PAPPA: variants seen among roughly 807,000 people sequenced by gnomAD.
PAPPA encodes the protein pappalysin 1.
PAPPA carries 60 observed loss-of-function variants against 164.0 expected under a neutral mutation model. The ratio of observed to expected loss-of-function variants is 0.37; its 90% CI spans 0.30 to 0.45. PAPPA has a LOEUF of 0.45. Among genes scored for constraint, PAPPA ranks in the 20% least tolerant of loss-of-function variants. PAPPA has a pLI of 1.00. For synonymous variants in PAPPA, 875 were observed against 814.1 expected (o/e 1.07, Z -1.27); for missense variants, 1,782 against 2,087.3 (o/e 0.85, Z 2.85).
At chr9:116,234,150 G>A (rs754761706) in intron 6 of PAPPA, among the ~76,000 whole-genome samples, 12 of 152,148 alleles carry the variant, frequency 7.9e-5, no homozygotes, top group Non-Finnish European at 1.6e-4. Context: ...ACTACATTGA[G>A]TCCTGGTTAT....
At chr9:116,240,647 A>G (rs1170016136) in intron 7 of PAPPA, among the ~76,000 whole-genome samples, 1 of 152,206 alleles carries the variant, frequency 6.6e-6, no homozygotes, top group Non-Finnish European at 1.5e-5. Context: ...ATTTGATCTA[A>G]TCATCCCAAC....
At chr9:116,218,959 TG>T (rs1844409469) in intron 4 of PAPPA, among the ~76,000 whole-genome samples, 1 of 152,218 alleles carries the variant, frequency 6.6e-6, no homozygotes, top group Non-Finnish European at 1.5e-5. Flanking sequence ...AATGGCAGCA[TG>T]GAGTGGGAGA....
intron 2 of PAPPA, among the ~76,000 whole-genome samples, chr9:116,202,473 A>G (rs892171395): frequency 3.9e-5 from 6 of 152,128 alleles, no homozygotes; most frequent in South Asian, 2.1e-4. Flanking sequence ...AAAGGGGTAA[A>G]GTCTGGGCGC....
intron 9 of PAPPA, among the ~76,000 whole-genome samples, chr9:116,275,510 C>T (rs1845186023): frequency 6.6e-6 from 1 of 152,160 alleles, no homozygotes; most frequent in Non-Finnish European, 1.5e-5. Context: ...AGGTATGATC[C>T]TCTCTCCAGT....
intron 21 of PAPPA, 33 bp from the exon 22 acceptor site, chr9:116,396,476 C>G: frequency 1.3e-6 from 1 of 780,372 alleles, no homozygotes; most frequent in Non-Finnish European, 2.4e-6. Flanking sequence ...CTGCTTCAGA[C>G]CAAATCACCT....
chr9:116,162,463 CAT>C (rs1843679857), intron 1 of PAPPA, among the ~76,000 whole-genome samples: 1 of 152,134 alleles, frequency 6.6e-6, no homozygotes, highest in African/African-American at 2.4e-5. Context: ...CCTGCAGGAG[CAT>C]ATGTTTACTG....
intron 19 of PAPPA, among the ~76,000 whole-genome samples, 153 bp downstream of exon 19, chr9:116,367,907 G>A (rs925710281): frequency 6.6e-6 from 1 of 152,214 alleles, no homozygotes; most frequent in Non-Finnish European, 1.5e-5. Context: ...GTTGCAGGGA[G>A]GTGGGGTAGA....
At chr9:116,305,134 G>GACACAGAC (rs1554750323) in intron 10 of PAPPA, among the ~76,000 whole-genome samples, 3 of 129,864 alleles carry the variant, frequency 2.3e-5, no homozygotes, top group African/African-American at 9.2e-5. Context: ...TGGGCACACA[G>GACACAGAC]ACACACACAC....
In PAPPA at chr9:116,212,722, G is replaced by T. The variant is rs540898546; in HGVS notation, c.1918+790G>T. ...GCTTAATAAATGTTTGTTAGGAAAG[G>T]AAGAAGTAAAGAAAGAAAGGGAGGA... On this transcript the variant is annotated intron_variant, in intron 4 of 21. Transcript: ENST00000328252. Among the ~76,000 whole-genome samples, 3 of 152,262 alleles carry T rather than the reference G, an allele frequency of 2.0e-5. No homozygotes were observed. The South Asian group carries it at 6.2e-4, about 32-fold the overall frequency.
intron 7 of PAPPA, among the ~76,000 whole-genome samples, chr9:116,243,193 G>T (rs1243100449): frequency 6.6e-6 from 1 of 152,184 alleles, no homozygotes; most frequent in African/African-American, 2.4e-5. Context: ...ATCAAATGCT[G>T]ATTTAGTACA....
chr9:116,288,226 G>T (rs1051208854), intron 9 of PAPPA, among the ~76,000 whole-genome samples: 4 of 152,034 alleles, frequency 2.6e-5, no homozygotes, highest in Admixed American at 1.3e-4. Context: ...AAAATTAGCC[G>T]AGTGTAGTGG....
In PAPPA at chr9:116,213,410, G is replaced by T. The variant is rs534890624; in HGVS notation, c.1918+1478G>T. Among the ~76,000 whole-genome samples, 18 of 152,150 alleles carry T rather than the reference G, an allele frequency of 1.2e-4. No individual in the cohort carries two copies. In the East Asian group the frequency reaches 3.5e-3, roughly 30 times the overall value. On this transcript the variant is annotated intron_variant, in intron 4 of 21. Transcript: ENST00000328252. ...TGGTACCATAAAGAGTCTTAGATTT[G>T]AGTGCTCAAAAAAGACCAGGGTGCT...
chr9:116,293,102 G>T (rs1471290939), intron 9 of PAPPA, among the ~76,000 whole-genome samples: 2 of 152,200 alleles, frequency 1.3e-5, no homozygotes, highest in African/African-American at 2.4e-5. Context: ...GGTGAGTATA[G>T]AAGCTAGACT....
At chr9:116,186,796 T>A (rs892990688) in intron 1 of PAPPA, among the ~76,000 whole-genome samples, 1 of 152,198 alleles carries the variant, frequency 6.6e-6, no homozygotes, top group Non-Finnish European at 1.5e-5. Flanking sequence ...TTTTCAGATT[T>A]TTATTATTAT....
chr9:116,278,691 A>AT (rs1457224304), intron 9 of PAPPA, among the ~76,000 whole-genome samples: 2 of 151,820 alleles, frequency 1.3e-5, no homozygotes, highest in African/African-American at 4.8e-5. Context: ...GGCACTTAAT[A>AT]AAGTTGTCAT....
chr9:116,255,181 A>G (rs1391413683), intron 7 of PAPPA, among the ~76,000 whole-genome samples: 1 of 151,982 alleles, frequency 6.6e-6, no homozygotes, highest in African/African-American at 2.4e-5. Context: ...ACTGGATATT[A>G]CTATATGGCT....
chr9:116,339,710 T>C (rs1846109678), intron 13 of PAPPA, among the ~76,000 whole-genome samples: 1 of 152,190 alleles, frequency 6.6e-6, no homozygotes, highest in Non-Finnish European at 1.5e-5. Flanking sequence ...CCCTGTGGCA[T>C]AATTGCAGCT....
intron 2 of PAPPA, among the ~76,000 whole-genome samples, chr9:116,199,428 A>C (rs1313865876): frequency 6.6e-6 from 1 of 152,204 alleles, no homozygotes; most frequent in East Asian, 1.9e-4. Flanking sequence ...ACTCAGCATC[A>C]GATTTTTCCC....
intron 9 of PAPPA, among the ~76,000 whole-genome samples, chr9:116,287,910 C>T (rs184334409): frequency 6.7e-4 from 102 of 152,300 alleles, no homozygotes; most frequent in Non-Finnish European, 1.0e-4. Flanking sequence ...CAGTCTCATG[C>T]TTTTGTTTGG....
Sources: allele counts gnomAD v4.1 joint callset (sites outside exome capture counted in the v4.1 genomes callset), GRCh38; gene constraint gnomAD v4.1.1; transcripts MANE v1.5; gene names NCBI Gene and HGNC (gene_info 2026-07-23, HGNC 2026-07-21).